SPATA7: variants seen among roughly 807,000 people sequenced by gnomAD.
SPATA7 encodes the protein spermatogenesis associated 7, also known as spermatogenesis-associated protein 7.
In SPATA7, 43 loss-of-function variants were observed where a neutral mutation model predicts 51.8. That is an observed-to-expected ratio of 0.83 (90% CI 0.65 to 1.07). The LOEUF is 1.07. Ranked by LOEUF, SPATA7 falls within the 50% of genes least tolerant of loss-of-function variation. The pLI, the probability that SPATA7 is intolerant of heterozygous loss-of-function variation, is 0.00. For missense variants in SPATA7, 683 were observed against 701.3 expected (o/e 0.97, Z 0.30); for synonymous variants, 230 against 252.8 (o/e 0.91, Z 0.86).
In SPATA7 at chr14:88,391,306, A is replaced by G. The variant is rs558360782; in HGVS notation, c.20-75A>G. The G allele has an allele frequency of 3.9e-5, 46 of 1,177,640 alleles. No individual in the cohort carries two copies. In the Admixed American group the frequency reaches 7.8e-4, roughly 20 times the overall value. The allele number at this position is 1,177,640 out of a possible 1,614,324, so 72.9% of individuals were successfully genotyped here. A position where few individuals can be genotyped will look rare whatever the true frequency, so the allele number is the denominator to read the frequency against. ...TTGTGATAAATTTATTATTTAAAAA[A>G]TATTGAATATTGTTGTTTTTGTAAA... On this transcript the variant is annotated intron_variant, in intron 1 of 11. Coordinates refer to ENST00000393545, the MANE Select transcript of SPATA7 (RefSeq NM_018418.5).
intron 4 of SPATA7, among the ~76,000 whole-genome samples, chr14:88,462,320 GA>G (rs1250771672): frequency 1.2e-4 from 19 of 152,318 alleles, no homozygotes; most frequent in East Asian, 5.8e-4. Flanking sequence ...AGACAGAAAT[GA>G]AAACTAGTTA....
chr14:88,415,624 T>C (rs2076455243), intron 4 of SPATA7, among the ~76,000 whole-genome samples: 1 of 152,220 alleles, frequency 6.6e-6, no homozygotes, highest in East Asian at 1.9e-4. Flanking sequence ...TATGTGAGGT[T>C]TGATCCTGTC....
chr14:88,457,399 A>C (rs61972875), downstream of SPATA7, among the ~76,000 whole-genome samples: 15 of 152,016 alleles, frequency 9.9e-5, no homozygotes, highest in Non-Finnish European at 1.5e-4. Flanking sequence ...CTTTTATTTC[A>C]TTGAGCAGTG....
chr14:88,458,737 T>A (rs980499732), downstream of SPATA7, among the ~76,000 whole-genome samples: 1 of 152,190 alleles, frequency 6.6e-6, no homozygotes, highest in Non-Finnish European at 1.5e-5. Flanking sequence ...TGTGCTCTGA[T>A]CTTAGTTATT....
intron 7 of SPATA7, 55 bp from the exon 8 acceptor site, chr14:88,429,293 G>A: frequency 1.0e-6 from 1 of 987,494 alleles, no homozygotes; most frequent in Non-Finnish European, 1.6e-6. Flanking sequence ...GTTATATTCT[G>A]CTTTCGTAAT....
At chr14:88,414,013 G>A (rs1284317954) in intron 4 of SPATA7, among the ~76,000 whole-genome samples, 6 of 152,012 alleles carry the variant, frequency 3.9e-5, no homozygotes, top group Non-Finnish European at 7.4e-5. Flanking sequence ...TATAGCTTTC[G>A]TTTTTGGTGT....
downstream of SPATA7, among the ~76,000 whole-genome samples, chr14:88,456,328 A>C (rs1245745860): frequency 6.6e-6 from 1 of 152,132 alleles, no homozygotes; most frequent in African/African-American, 2.4e-5. Context: ...GAACTAGTTT[A>C]CAGTCCCACC....
At chr14:88,456,088 G>C (rs28589272), downstream of SPATA7, among the ~76,000 whole-genome samples, 1,762 of 152,218 alleles carry the variant, frequency 0.012, 38 homozygotes, top group African/African-American at 0.04. Flanking sequence ...GTATTCCATG[G>C]TGTATATGTG....
Position 88,448,476 on chromosome 14 carries a change from C to T in SPATA7, c.178-6584C>T, listed in dbSNP as rs2077229323. Among the ~76,000 whole-genome samples, 11 of 152,322 alleles carry T rather than the reference C, an allele frequency of 7.2e-5. No homozygotes were observed. In the South Asian group the frequency reaches 2.3e-3, roughly 32 times the overall value. On this transcript the variant is annotated intron_variant, in intron 3 of 3. Transcript: ENST00000554802. Reference sequence around the variant, plus strand: ...TAATTTGATCGTCTGAAGCCTTCTTCTCTCAGCTCGTCAAAGTCATTCTCC... The same window carrying T: ...TAATTTGATCGTCTGAAGCCTTCTTTTCTCAGCTCGTCAAAGTCATTCTCC...
chr14:88,416,934 T>C lies in SPATA7; in HGVS notation c.372+90T>C, dbSNP rs1335879848. On this transcript the variant is annotated intron_variant, in intron 5 of 11. Coordinates refer to ENST00000393545, the MANE Select transcript of SPATA7 (RefSeq NM_018418.5). Reference sequence around the variant, plus strand: ...TGACTTTGTTTACTATAGTTTAGGGTCAGCAAATTTTTCCTGTAAAGATCC... The same window carrying C: ...TGACTTTGTTTACTATAGTTTAGGGCCAGCAAATTTTTCCTGTAAAGATCC... The C allele has an allele frequency of 2.6e-6, 3 of 1,165,556 alleles. No individual in the cohort carries two copies. The Admixed American group carries it at 7.1e-5, about 28-fold the overall frequency. 72.2% of individuals were successfully genotyped at this position (1,165,556 alleles called of 1,614,324 possible).
At chr14:88,393,243 A>G in intron 2 of SPATA7, 150 bp from the exon 3 acceptor site, 1 of 623,704 alleles carries the variant, frequency 1.6e-6, no homozygotes, top group Non-Finnish European at 2.8e-6. Flanking sequence ...TCAGTGCAAG[A>G]TTAAAGCTTC....
chr14:88,461,628 A>G (rs2077318115), intron 4 of SPATA7, among the ~76,000 whole-genome samples: 1 of 152,058 alleles, frequency 6.6e-6, no homozygotes, highest in Non-Finnish European at 1.5e-5. Flanking sequence ...TTGGCTAGGA[A>G]AGGGAATTCC....
intron 4 of SPATA7, among the ~76,000 whole-genome samples, chr14:88,462,663 T>G (rs1402159362): frequency 6.6e-6 from 1 of 152,230 alleles, no homozygotes; most frequent in African/African-American, 2.4e-5. Flanking sequence ...CTATATCCAG[T>G]GCAGCTACAC....
At chr14:88,436,339 G>A (rs1314950686) in intron 10 of SPATA7, among the ~76,000 whole-genome samples, 1 of 151,992 alleles carries the variant, frequency 6.6e-6, no homozygotes, top group Non-Finnish European at 1.5e-5. Flanking sequence ...CCTTGTCAGA[G>A]GGGTAGTTTG....
chr14:88,426,978 A>G (rs1423144859), intron 6 of SPATA7, among the ~76,000 whole-genome samples: 3 of 152,212 alleles, frequency 2.0e-5, no homozygotes, highest in East Asian at 3.8e-4. Flanking sequence ...GTTTTTAAAT[A>G]TTATACTTTC....
At chr14:88,444,596 T>A (rs1323026738) in intron 3 of SPATA7, among the ~76,000 whole-genome samples, 1 of 152,100 alleles carries the variant, frequency 6.6e-6, no homozygotes, top group African/African-American at 2.4e-5. Flanking sequence ...TAGGTTTTCT[T>A]CTAGGGTTTT....
At chr14:88,454,986 G>A in intron 3 of SPATA7, 1 of 427,658 alleles carries the variant, frequency 2.3e-6, no homozygotes, top group African/African-American at 2.0e-5. Context: ...GTGATTTCTG[G>A]GCCCCATCCC....
chr14:88,393,543 T>C, intron 3 of SPATA7, 55 bp downstream of exon 3: 1 of 1,253,590 alleles, frequency 8.0e-7, no homozygotes, highest in Non-Finnish European at 1.1e-6. Flanking sequence ...CCAGCTTCAC[T>C]TCTCATTAAA....
At chr14:88,389,541 G>T (rs1595167694) in intron 1 of SPATA7, among the ~76,000 whole-genome samples, 1 of 152,098 alleles carries the variant, frequency 6.6e-6, no homozygotes. Context: ...TGTATCTATA[G>T]GAATATTAGA....
Sources: gnomAD v4.1 joint callset for allele counts (sites outside exome capture counted in the v4.1 genomes callset) on GRCh38, gnomAD v4.1.1 for gene constraint, MANE v1.5 for transcripts, NCBI Gene and HGNC (gene_info 2026-07-23, HGNC 2026-07-21) for gene names.